Variants in SPMIP2 observed in about 807,000 individuals in gnomAD.
SPMIP2 encodes the protein sperm microtubule inner protein 2.
At chr4:159,047,373 G>GAT in the SPMIP2 span, among the ~76,000 whole-genome samples, 46,060 of 151,842 alleles carry the variant, frequency 0.3, 7,706 homozygotes, top group East Asian at 0.64. Flanking sequence ...GACTTTTCTT[G>GAT]ATTAATTTTG....
chr4:158,949,564 G>GCAGATAGATAC, the SPMIP2 span, among the ~76,000 whole-genome samples: 1 of 151,948 alleles, frequency 6.6e-6, no homozygotes, highest in Non-Finnish European at 1.5e-5. Context: ...TGTACTTCAT[G>GCAGATAGATAC]TGCTTCATGA....
chr4:159,059,110 T>C, the SPMIP2 span, among the ~76,000 whole-genome samples: 20 of 152,246 alleles, frequency 1.3e-4, no homozygotes, highest in Non-Finnish European at 2.6e-4. Flanking sequence ...CTTAGTAAAA[T>C]GAACAAAAAC....
the SPMIP2 span, among the ~76,000 whole-genome samples, chr4:158,913,736 G>A: frequency 1.3e-5 from 2 of 151,998 alleles, no homozygotes; most frequent in Admixed American, 6.6e-5. Context: ...AGGAGGCTGA[G>A]GTGGGAGGAT....
chr4:158,901,718 G>A, the SPMIP2 span, among the ~76,000 whole-genome samples: 5 of 151,484 alleles, frequency 3.3e-5, no homozygotes, highest in Admixed American at 2.6e-4. Flanking sequence ...TTGTCTTCAC[G>A]CTTTATTTCA....
the SPMIP2 span, among the ~76,000 whole-genome samples, chr4:159,031,489 C>T: frequency 6.6e-6 from 1 of 152,112 alleles, no homozygotes; most frequent in Non-Finnish European, 1.5e-5. Context: ...TTAAAATAGA[C>T]AAAAAGAGAA....
At chr4:158,945,418 T>C in the SPMIP2 span, among the ~76,000 whole-genome samples, 2 of 152,228 alleles carry the variant, frequency 1.3e-5, no homozygotes, top group Non-Finnish European at 2.9e-5. Flanking sequence ...ATTGATTTAC[T>C]GACTGAATAA....
chr4:158,916,333 ATT>A, the SPMIP2 span, among the ~76,000 whole-genome samples: 1 of 152,182 alleles, frequency 6.6e-6, no homozygotes, highest in Non-Finnish European at 1.5e-5. Flanking sequence ...TGGGCATGCT[ATT>A]TTCGTGAGGT....
chr4:159,011,344 T>C, the SPMIP2 span, among the ~76,000 whole-genome samples: 1 of 152,198 alleles, frequency 6.6e-6, no homozygotes, highest in Non-Finnish European at 1.5e-5. Flanking sequence ...ATTAAAAGCT[T>C]TTATCATGAT....
chr4:159,057,330 T>C, the SPMIP2 span, among the ~76,000 whole-genome samples: 1 of 152,360 alleles, frequency 6.6e-6, no homozygotes, highest in African/African-American at 2.4e-5. Context: ...CTTTAGATCA[T>C]TGTCTAATAG....
chr4:158,997,206 C>A, the SPMIP2 span, among the ~76,000 whole-genome samples: 1 of 149,646 alleles, frequency 6.7e-6, no homozygotes, highest in African/African-American at 2.4e-5. Flanking sequence ...GTTTGGTGTT[C>A]GTACTATCAT....
At chr4:158,978,118 G>A in the SPMIP2 span, among the ~76,000 whole-genome samples, 1 of 152,156 alleles carries the variant, frequency 6.6e-6, no homozygotes, top group Non-Finnish European at 1.5e-5. Flanking sequence ...GGGAAGTTGT[G>A]TCTTTGTTTT....
chr4:159,025,255 C>G, the SPMIP2 span, among the ~76,000 whole-genome samples: 2 of 152,150 alleles, frequency 1.3e-5, no homozygotes, highest in African/African-American at 4.8e-5. Flanking sequence ...ACCTCTATCC[C>G]CTGGGTTCAA....
At chr4:158,963,358 G>A in the SPMIP2 span, among the ~76,000 whole-genome samples, 2 of 152,100 alleles carry the variant, frequency 1.3e-5, no homozygotes, top group African/African-American at 4.8e-5. Context: ...CTAGAGTGCA[G>A]TGGCACAATC....
At chr4:158,945,444 G>A in the SPMIP2 span, among the ~76,000 whole-genome samples, 1 of 152,188 alleles carries the variant, frequency 6.6e-6, no homozygotes, top group Non-Finnish European at 1.5e-5. Flanking sequence ...TGGTCTGATT[G>A]AAAACTTTAA....
At chr4:158,928,793 G>A in the SPMIP2 span, among the ~76,000 whole-genome samples, 1 of 151,974 alleles carries the variant, frequency 6.6e-6, no homozygotes, top group African/African-American at 2.4e-5. Flanking sequence ...CTTCACTCCT[G>A]AAGCCAGCGA....
the SPMIP2 span, among the ~76,000 whole-genome samples, chr4:159,005,929 T>C: frequency 6.6e-6 from 1 of 152,292 alleles, no homozygotes; most frequent in Non-Finnish European, 1.5e-5. Flanking sequence ...CACGCCCAGC[T>C]AATCTTTGTA....
the SPMIP2 span, among the ~76,000 whole-genome samples, chr4:159,047,160 T>G: frequency 6.6e-6 from 1 of 152,314 alleles, no homozygotes; most frequent in African/African-American, 2.4e-5. Flanking sequence ...AAAATATTAT[T>G]TGTGTTTTTC....
the SPMIP2 span, among the ~76,000 whole-genome samples, chr4:159,044,678 T>C: frequency 6.6e-6 from 1 of 152,124 alleles, no homozygotes; most frequent in African/African-American, 2.4e-5. Flanking sequence ...TTTTCTGTGC[T>C]CCAGTCATCC....
At chr4:158,943,858 C>CTTTTTTTTTTTT in the SPMIP2 span, among the ~76,000 whole-genome samples, 279 of 101,880 alleles carry the variant, frequency 2.7e-3, 8 homozygotes, top group East Asian at 4.7e-3. Context: ...TTGACATTTT[C>CTTTTTTTTTTTT]TTTTTTTTTT....
Sources: allele counts gnomAD v4.1 joint callset (sites outside exome capture counted in the v4.1 genomes callset), GRCh38; gene constraint gnomAD v4.1.1; transcripts MANE v1.5; gene names NCBI Gene and HGNC (gene_info 2026-07-23, HGNC 2026-07-21).